The following PDK3 variants were observed in gnomAD, a reference collection of about 807,000 sequenced individuals.
PDK3 encodes pyruvate dehydrogenase kinase 3.
PDK3 carries 12 observed loss-of-function variants against 32.0 expected under a neutral mutation model. That is an observed-to-expected ratio of 0.37 (90% confidence interval 0.24 to 0.61). The LOEUF is 0.61. Among genes scored for constraint, PDK3 ranks in the 20% least tolerant of loss-of-function variants. The pLI is 0.65. For synonymous variants in PDK3, 122 were observed against 116.3 expected, an observed-to-expected ratio of 1.05 and a Z score of -0.31; for missense variants, 188 against 316.9, an observed-to-expected ratio of 0.59 and a Z score of 3.09.
exon 12 of PDK3, among the ~76,000 whole-genome samples, chrX:24,544,656 T>G (rs748899529): frequency 5.4e-5 from 6 of 112,119 alleles, no homozygotes; most frequent in African/African-American, 1.6e-4. Context: ...ATGCAAGAAC[T>G]CTTCTTCGAT....
In PDK3 at chrX:24,484,584, G is replaced by A. The variant is rs191950393; in HGVS notation, c.107-10158G>A. Among the ~76,000 whole-genome samples the A allele has an allele frequency of 3.7e-3, 410 of 111,884 alleles. 1 individual carries two copies. The highest frequency in any genetic ancestry group is 0.012 in the African/African-American group (366 of 30,816). On this transcript the variant is annotated intron_variant, in intron 1 of 10. Coordinates refer to ENST00000379162, the MANE Select transcript of PDK3 (RefSeq NM_005391.5). ...CAAACAAACAGGATTTCTAAAGAGA[G>A]GGGATCAAGGGACTACTACCTTAAT...
chrX:24,508,878 A>G (rs1269051406), intron 5 of PDK3, among the ~76,000 whole-genome samples: 2 of 110,572 alleles, frequency 1.8e-5, no homozygotes, highest in Non-Finnish European at 3.8e-5. Context: ...ATGCCCGGCT[A>G]ATTTTTGTAT....
At chrX:24,483,688 A>C (rs776723320) in intron 1 of PDK3, among the ~76,000 whole-genome samples, 2 of 111,830 alleles carry the variant, frequency 1.8e-5, no homozygotes, top group African/African-American at 3.2e-5. Context: ...TGGGTGTTTT[A>C]ATTTTCAGTT....
intron 5 of PDK3, among the ~76,000 whole-genome samples, chrX:24,514,078 G>A (rs1456058223): frequency 3.6e-5 from 4 of 111,824 alleles, no homozygotes; most frequent in African/African-American, 1.3e-4. Flanking sequence ...ATGCATTCAA[G>A]ATAGAGGCTA....
chrX:24,488,501 C>A (rs1294082358), intron 1 of PDK3, among the ~76,000 whole-genome samples: 1 of 111,668 alleles, frequency 9.0e-6, no homozygotes, highest in Non-Finnish European at 1.9e-5. Flanking sequence ...CCAACCTGGC[C>A]AACATGGTGA....
chrX:24,500,856 T>C (rs1157516481), intron 3 of PDK3, among the ~76,000 whole-genome samples: 1 of 111,826 alleles, frequency 8.9e-6, no homozygotes, highest in Non-Finnish European at 1.9e-5. Context: ...ATTCTGAGCA[T>C]TGAGCCATTG....
At chrX:24,530,462 G>A (rs1922623926) in intron 9 of PDK3, among the ~76,000 whole-genome samples, 1 of 111,612 alleles carries the variant, frequency 9.0e-6, no homozygotes, top group Admixed American at 9.5e-5. Context: ...GCAGCTCTGA[G>A]GTCAGTTTTT....
At chrX:24,476,181 T>C (rs2148181048) in intron 1 of PDK3, among the ~76,000 whole-genome samples, 1 of 111,645 alleles carries the variant, frequency 9.0e-6, no homozygotes, top group South Asian at 3.7e-4. Flanking sequence ...CCACCTGTTT[T>C]TTTTTTTCTA....
chrX:24,505,179 T>A, intron 4 of PDK3, 30 bp from the exon 5 acceptor site: 1 of 1,101,657 alleles, frequency 9.1e-7, no homozygotes, highest in Non-Finnish European at 1.3e-6. Context: ...TGTGTTTTAA[T>A]CCCCTCCCTT....
At chrX:24,526,096 A>G (rs1693914001) in intron 6 of PDK3, 102 bp from the exon 7 acceptor site, 10 of 581,653 alleles carry the variant, frequency 1.7e-5, no homozygotes, top group South Asian at 5.8e-5. Context: ...AGCCTTTTAT[A>G]GAGCTCTGTT....
At chrX:24,468,192 A>G (rs778057268) in intron 1 of PDK3, among the ~76,000 whole-genome samples, 2 of 112,315 alleles carry the variant, frequency 1.8e-5, no homozygotes, top group South Asian at 7.3e-4. Flanking sequence ...ATTATTTGCT[A>G]TGTTCAAAAG....
chrX:24,501,949 G>A (rs1472925763), intron 3 of PDK3, among the ~76,000 whole-genome samples: 1 of 111,977 alleles, frequency 8.9e-6, no homozygotes, highest in Non-Finnish European at 1.9e-5. Flanking sequence ...TGGCATTTGT[G>A]CTTCTTCTTT....
At chrX:24,475,392 A>G (rs1340312944) in intron 1 of PDK3, among the ~76,000 whole-genome samples, 2 of 111,363 alleles carry the variant, frequency 1.8e-5, no homozygotes, top group African/African-American at 3.3e-5. Flanking sequence ...CACTGTGGCT[A>G]ATGCCTGTAA....
chrX:24,470,251 T>G (rs971739885), intron 1 of PDK3, among the ~76,000 whole-genome samples: 3 of 112,289 alleles, frequency 2.7e-5, no homozygotes, highest in Non-Finnish European at 5.6e-5. Flanking sequence ...TCTTAAAGAT[T>G]TGGTAGAACT....
chrX:24,543,608 C>A (rs886592183), exon 12 of PDK3, among the ~76,000 whole-genome samples: 1 of 110,751 alleles, frequency 9.0e-6, no homozygotes, highest in Non-Finnish European at 1.9e-5. Context: ...TGCCACCATG[C>A]CTGGCTAATT....
At chrX:24,489,641 C>T (rs1197105457) in intron 1 of PDK3, among the ~76,000 whole-genome samples, 1 of 93,314 alleles carries the variant, frequency 1.1e-5, no homozygotes, top group Admixed American at 1.3e-4. Flanking sequence ...GCCGAGATCA[C>T]ACCACTGCAC....
chrX:24,505,267 TC>T lies in PDK3; in HGVS notation c.567del (p.Thr190ProfsTer8), dbSNP rs1921952827. 1 of 1,203,115 alleles carries T rather than the reference TC, an allele frequency of 8.3e-7. No individual in the cohort carries two copies. The highest frequency in any genetic ancestry group is 1.8e-5 in the African/African-American group (1 of 56,932). ...VHPKHIGSIDPTCNVADVVKD... is the reference protein window; with the variant it reads ...VHPKHIGSIDXTCNVADVVKD... ...ATCCTAAACACATAGGAAGTATCGA[TC>T]CCACCTGTAACGTGGCGGATGTGGT... On this transcript the variant is annotated frameshift_variant, in exon 5 of 11. Transcript: ENST00000379162. LOFTEE classifies it high-confidence loss of function.
Position 24,527,560 on chromosome X carries a change from T to C in PDK3, c.751-14T>C. The C allele has an allele frequency of 1.0e-6, 1 of 999,073 alleles. No individual in the cohort carries two copies. The allele number at this position is 999,073 out of a possible 1,213,427, so 82.3% of individuals were successfully genotyped here. A position where few individuals can be genotyped will look rare whatever the true frequency, so the allele number is the denominator to read the frequency against. ...TTCGGCAGTATGATTAATAAAAAGA[T>C]CTTATTATTTTAGAACTCAATGAGA... On this transcript the variant is annotated splice_polypyrimidine_tract_variant and intron_variant, in intron 7 of 10. Coordinates refer to ENST00000379162, the MANE Select transcript of PDK3 (RefSeq NM_005391.5).
intron 5 of PDK3, among the ~76,000 whole-genome samples, chrX:24,515,161 CAA>C (rs1407937316): frequency 1.8e-5 from 2 of 112,500 alleles, no homozygotes; most frequent in African/African-American, 6.4e-5. Context: ...TTAATGCCCT[CAA>C]AATACTTTTG....
Sources: gnomAD v4.1 joint callset for allele counts (sites outside exome capture counted in the v4.1 genomes callset) on GRCh38, gnomAD v4.1.1 for gene constraint, MANE v1.5 for transcripts, NCBI Gene and HGNC (gene_info 2026-07-23, HGNC 2026-07-21) for gene names.